TBX15: variants seen among roughly 807,000 people sequenced by gnomAD.
TBX15 encodes T-box transcription factor TBX15.
A neutral mutation model predicts 53.9 loss-of-function variants in TBX15; 18 were observed. That is an observed-to-expected ratio of 0.33 (90% CI 0.23 to 0.49). The LOEUF is 0.49. Ranked by LOEUF, TBX15 falls within the 20% of genes least tolerant of loss-of-function variation. The pLI is 0.98. For missense variants in TBX15, 692 were observed against 749.5 expected (o/e 0.92, Z 0.90); for synonymous variants, 295 against 278.0 (o/e 1.06, Z -0.61).
At chr1:118,951,648 C>T (rs1401435995) in intron 1 of TBX15, among the ~76,000 whole-genome samples, 15 of 152,186 alleles carry the variant, frequency 9.9e-5, no homozygotes, top group Non-Finnish European at 1.6e-4. Context: ...GTTGCAACAT[C>T]TTATTGTTCC....
chr1:118,984,373 G>A (rs1017887593), intron 1 of TBX15, among the ~76,000 whole-genome samples: 1 of 152,260 alleles, frequency 6.6e-6, no homozygotes, highest in African/African-American at 2.4e-5. Flanking sequence ...CGCTCCGCGG[G>A]AGACCCGGCT....
intron 1 of TBX15, among the ~76,000 whole-genome samples, chr1:118,954,893 C>G (rs1343952660): frequency 1.3e-5 from 2 of 152,174 alleles, no homozygotes; most frequent in Non-Finnish European, 2.9e-5. Context: ...CAAGTTCCTT[C>G]AGAGCCTATC....
intron 5 of TBX15, among the ~76,000 whole-genome samples, chr1:118,922,705 A>G (rs935097031): frequency 6.6e-6 from 1 of 152,216 alleles, no homozygotes; most frequent in African/African-American, 2.4e-5. Flanking sequence ...AACACTGTCT[A>G]TAAAAGAAGG....
intron 1 of TBX15, among the ~76,000 whole-genome samples, chr1:118,946,065 T>C (rs1051058125): frequency 6.6e-6 from 1 of 152,152 alleles, no homozygotes; most frequent in Non-Finnish European, 1.5e-5. Context: ...TACAATAAAG[T>C]ATACAATATA....
chr1:118,893,401 GAAAGA>G lies in TBX15; in HGVS notation c.1024+5622_1024+5626del, dbSNP rs1557872648. Among the ~76,000 whole-genome samples the G allele has an allele frequency of 2.3e-4, 31 of 133,530 alleles. 1 individual carries two copies. In the South Asian group the frequency reaches 3.1e-3, roughly 14 times the overall value. The allele number at this position is 133,530 out of a possible 152,430, so 87.6% of individuals were successfully genotyped here. A position where few individuals can be genotyped will look rare whatever the true frequency, so the allele number is the denominator to read the frequency against. ...AGAAAGAAAGAAAGAAAGAAAGAAA[GAAAGA>G]AAGGAAGAAGGAAAGAAAGATGGAA... On this transcript the variant is annotated intron_variant, in intron 7 of 7. Transcript: ENST00000369429.
intron 4 of TBX15, 144 bp downstream of exon 4, chr1:118,924,502 C>T: frequency 1.0e-6 from 1 of 978,026 alleles, no homozygotes; most frequent in Non-Finnish European, 1.6e-6. Flanking sequence ...TGGAAAAAAA[C>T]ACTTTTATGC....
At chr1:118,938,364 A>T (rs1656033402) in intron 1 of TBX15, among the ~76,000 whole-genome samples, 1 of 152,146 alleles carries the variant, frequency 6.6e-6, no homozygotes, top group Non-Finnish European at 1.5e-5. Flanking sequence ...CCAACTGCCT[A>T]CAGCACTCTC....
intron 2 of TBX15, among the ~76,000 whole-genome samples, chr1:118,929,634 A>G (rs1655715682): frequency 6.6e-6 from 1 of 152,196 alleles, no homozygotes; most frequent in East Asian, 1.9e-4. Context: ...GAGTATCCAG[A>G]TATTAAGGTG....
rs534393304 is a variant in TBX15, at chr1:118,904,481, GT to G, written c.927-5357del. Among the ~76,000 whole-genome samples the G allele has an allele frequency of 3.9e-5, 6 of 152,246 alleles. No individual in the cohort carries two copies. In the South Asian group the frequency reaches 1.0e-3, roughly 26 times the overall value. On this transcript the variant is annotated intron_variant, in intron 6 of 7. Coordinates refer to ENST00000369429, the MANE Select transcript of TBX15 (RefSeq NM_001330677.2). ...AAACCTAACCATCATTCAAAACTTG[GT>G]GTTAAATAGTACCATAAGTATATCT... is the stretch of plus-strand genomic sequence containing the variant.
chr1:118,884,617 A>C lies in TBX15; in HGVS notation c.*115T>G, dbSNP rs1004981834. 106 of 1,328,014 alleles carry C rather than the reference A, an allele frequency of 8.0e-5. No individual in the cohort carries two copies. Among genetic ancestry groups the C allele is most frequent in the Middle Eastern group, 5.4e-4 (2 of 3,724 alleles). The allele number at this position is 1,328,014 out of a possible 1,614,324, so 82.3% of individuals were successfully genotyped here. A position where few individuals can be genotyped will look rare whatever the true frequency, so the allele number is the denominator to read the frequency against. On this transcript the variant is annotated 3_prime_UTR_variant, in exon 8 of 8. Transcript: ENST00000369429. ...ATGTCTTCGGCCAGAAAAAAAAAAAAAAAAAAAACACGGTTCCTGTTTTTC... is the reference window on the plus strand; with the variant it reads ...ATGTCTTCGGCCAGAAAAAAAAAAACAAAAAAAACACGGTTCCTGTTTTTC...
intron 6 of TBX15, among the ~76,000 whole-genome samples, chr1:118,910,515 C>A (rs1203610266): frequency 2.6e-5 from 4 of 152,018 alleles, no homozygotes; most frequent in Non-Finnish European, 5.9e-5. Flanking sequence ...ACCACCAGTT[C>A]CCAGAAGATT....
intron 1 of TBX15, among the ~76,000 whole-genome samples, chr1:118,985,240 T>A (rs1454341325): frequency 1.3e-5 from 2 of 152,134 alleles, no homozygotes. Flanking sequence ...GTTAAAACAA[T>A]GAGGCTCACC....
chr1:118,918,907 T>C (rs1655334927), intron 5 of TBX15, among the ~76,000 whole-genome samples: 2 of 152,222 alleles, frequency 1.3e-5, no homozygotes, highest in Non-Finnish European at 2.9e-5. Context: ...CTTCGTTATT[T>C]TTATTTCATA....
At chr1:118,924,196 C>T (rs1409239601) in intron 4 of TBX15, among the ~76,000 whole-genome samples, 1 of 152,206 alleles carries the variant, frequency 6.6e-6, no homozygotes, top group Non-Finnish European at 1.5e-5. Context: ...AAATTAATAA[C>T]ATCACACGCT....
intron 1 of TBX15, among the ~76,000 whole-genome samples, chr1:118,982,682 T>C (rs1036533841): frequency 2.0e-5 from 3 of 152,232 alleles, no homozygotes; most frequent in African/African-American, 7.2e-5. Flanking sequence ...TTAAACAAAT[T>C]TTCTTTCATA....
intron 1 of TBX15, among the ~76,000 whole-genome samples, chr1:118,971,612 G>T (rs1393353674): frequency 6.6e-6 from 1 of 152,142 alleles, no homozygotes; most frequent in Non-Finnish European, 1.5e-5. Context: ...CATAAGAAAG[G>T]TACAAAATAT....
intron 5 of TBX15, among the ~76,000 whole-genome samples, chr1:118,914,768 C>T (rs1425305269): frequency 6.6e-6 from 1 of 152,142 alleles, no homozygotes; most frequent in African/African-American, 2.4e-5. Flanking sequence ...ACAGAAAAAG[C>T]AGACTTTTGC....
At chr1:118,927,267 G>A (rs1655631727) in intron 2 of TBX15, among the ~76,000 whole-genome samples, 1 of 152,068 alleles carries the variant, frequency 6.6e-6, no homozygotes, top group Non-Finnish European at 1.5e-5. Flanking sequence ...GTATGCACAG[G>A]CATGTGTGTG....
At chr1:118,937,298 C>T (rs982931926) in intron 1 of TBX15, among the ~76,000 whole-genome samples, 1 of 152,136 alleles carries the variant, frequency 6.6e-6, no homozygotes, top group African/African-American at 2.4e-5. Context: ...AGGTCAGGTT[C>T]AACTCAACTA....
Sources: gnomAD v4.1 joint callset for allele counts (sites outside exome capture counted in the v4.1 genomes callset) on GRCh38, gnomAD v4.1.1 for gene constraint, MANE v1.5 for transcripts, NCBI Gene and HGNC (gene_info 2026-07-23, HGNC 2026-07-21) for gene names.